CCDC185: variants seen among roughly 807,000 people sequenced by gnomAD.
CCDC185 encodes the protein coiled-coil domain-containing protein 185.
For synonymous variants in CCDC185, 381 were observed against 348.1 expected, an observed-to-expected ratio of 1.09 and a Z score of -1.05; for missense variants, 982 against 825.3, an observed-to-expected ratio of 1.19 and a Z score of -2.33.
chr1:223,394,025 T>A lies in CCDC185; in HGVS notation c.550T>A (p.Ser184Thr). ...ACTCGGCAGACATCTAGGTCGCTGG[T>A]CCCCTTCCTCAGTTCCCTCGGAGCG... ...VPLGRHLGRW[S>T]PSSVPSERSS... The change falls in exon 1 of 1, where the codon TCC becomes ACC. Residue 184 changes from serine to threonine, a missense_variant. Transcript: ENST00000366875. The A allele has an allele frequency of 6.2e-7, 1 of 1,614,140 alleles. No homozygotes were observed. The highest frequency in any genetic ancestry group is 8.5e-7 in the Non-Finnish European group (1 of 1,180,026).
chr1:223,394,926 A>G lies in CCDC185; in HGVS notation c.1451A>G (p.Gln484Arg), dbSNP rs768994335. 1.2e-5 allele frequency: 20 copies of G among 1,614,072 alleles called. No homozygotes were observed. The highest frequency in any genetic ancestry group is 1.7e-5 in the Non-Finnish European group (20 of 1,180,032). Residue 484 changes from glutamine to arginine, a missense_variant, in exon 1 of 1, where the codon CAG becomes CGG. By Grantham distance (43) the Gln-to-Arg change is conservative. Coordinates refer to ENST00000366875, the MANE Select transcript of CCDC185 (RefSeq NM_152610.3). ...GAGAAGGCCCAGAAGGAGGAAGAGC[A>G]GTTGCAGCAGGCCAGGTGGCGCGCA... ...LREKAQKEEE[Q>R]LQQARWRAGE...
chr1:223,395,348 G>A lies in CCDC185; in HGVS notation c.*1G>A. Reference sequence around the variant, plus strand: ...CTGTCAGCAGAACAGGGGTTACTGAGAACCAAGGACGCCTGGCTTACAGTG... The same window carrying A: ...CTGTCAGCAGAACAGGGGTTACTGAAAACCAAGGACGCCTGGCTTACAGTG... On this transcript the variant is annotated 3_prime_UTR_variant, in exon 1 of 1. Transcript: ENST00000366875. 2.7e-6 allele frequency: 4 copies of A among 1,505,888 alleles called. No individual in the cohort carries two copies. The highest frequency in any genetic ancestry group is 3.5e-6 in the Non-Finnish European group (4 of 1,129,572). 93.3% of individuals were successfully genotyped at this position (1,505,888 alleles called of 1,614,324 possible).
In CCDC185 at chr1:223,394,710, C is replaced by A. The variant is rs1375285107; in HGVS notation, c.1235C>A (p.Ala412Asp). Residue 412 changes from alanine to aspartate, a missense_variant, in exon 1 of 1, where the codon GCC becomes GAC. Physicochemically the swap from Ala to Asp is moderately radical, Grantham distance 126. Coordinates refer to ENST00000366875, the MANE Select transcript of CCDC185 (RefSeq NM_152610.3). ...VEACRKRHLH[A>D]VEGQKKVQDT... The stretch of plus-strand genomic sequence containing the variant: ...GCCTGTCGCAAGAGGCACCTACATG[C>A]CGTGGAGGGCCAGAAGAAGGTCCAG... The A allele has an allele frequency of 1.2e-6, 2 of 1,610,884 alleles. No individual in the cohort carries two copies. The highest frequency in any genetic ancestry group is 2.2e-5 in the East Asian group (1 of 44,808).
At position 223,394,366 on chromosome 1, in the gene CCDC185, C is replaced by A. The variant is rs1443600661; in HGVS notation, c.891C>A (p.Thr297=). Residue 297 remains threonine, a synonymous_variant, in exon 1 of 1, where the codon ACC becomes ACA. Coordinates refer to ENST00000366875, the MANE Select transcript of CCDC185 (RefSeq NM_152610.3). The stretch of plus-strand genomic sequence containing the variant: ...GCTCGGATCAGAAGGTCCAGATGAC[C>A]CTGGAGCGGGAGCGCCGGCTGCTGC... ...LKRSDQKVQM[T]LERERRLLLR... 2 of 1,581,388 alleles carry A rather than the reference C, an allele frequency of 1.3e-6. No homozygotes were observed. Among genetic ancestry groups the A allele is most frequent in the African/African-American group, 1.3e-5 (1 of 74,246 alleles).
rs1558299360 is a variant in CCDC185 at position 223,395,009 on chromosome 1, G to A, written c.1534G>A (p.Glu512Lys). The A allele has an allele frequency of 6.8e-6, 11 of 1,613,968 alleles. No homozygotes were observed. Among genetic ancestry groups the A allele is most frequent in the South Asian group, 6.6e-5 (6 of 91,072 alleles). The change falls in exon 1 of 1, where the codon GAG becomes AAG. Residue 512 changes from glutamate (E) to lysine (K), a missense_variant. Transcript: ENST00000366875. ...RKRILVELAD[E>K]KIRQARSHVH... Reference sequence around the variant, plus strand: ...AAGAATTCTGGTGGAGCTGGCGGATGAGAAGATCCGACAGGCCAGGAGTCA... The same window carrying A: ...AAGAATTCTGGTGGAGCTGGCGGATAAGAAGATCCGACAGGCCAGGAGTCA...
rs771980438 is a variant in CCDC185 at position 223,393,564 on chromosome 1, G to A, written c.89G>A (p.Arg30Gln). 6.5e-7 allele frequency: 1 copy of A among 1,549,680 alleles called. No individual in the cohort carries two copies. The highest frequency in any genetic ancestry group is 8.7e-7 in the Non-Finnish European group (1 of 1,150,624). The change falls in exon 1 of 1, where the codon CGG becomes CAG. Residue 30 changes from arginine to glutamine, a missense_variant. Coordinates refer to ENST00000366875, the MANE Select transcript of CCDC185 (RefSeq NM_152610.3). This position sits in a 1 kb window ranked among gnomAD's most constrained non-coding sequence, Gnocchi z 4.8. ...RPGGERESTQ[R>Q]LGGQRSGADS... ...GGCGGAGAACGAGAGTCCACGCAGC[G>A]GCTGGGCGGGCAGAGGTCCGGAGCC...
At position 223,394,187 on chromosome 1, in the gene CCDC185, C is replaced by T. The variant is rs1189620327; in HGVS notation, c.712C>T (p.Pro238Ser). ...GGCCTCCAGCAAAGAGATGCGGAGC[C>T]CGCACACCCAGGTCCTGAAGAGCAA... Reference protein sequence around the residue: ...PLASSKEMRSPHTQVLKSKLE... With the variant: ...PLASSKEMRSSHTQVLKSKLE... Residue 238 changes from proline to serine, a missense_variant, in exon 1 of 1, where the codon CCG (proline) becomes TCG (serine). Coordinates refer to ENST00000366875, the MANE Select transcript of CCDC185 (RefSeq NM_152610.3). The T allele has an allele frequency of 6.2e-7, 1 of 1,614,046 alleles. No homozygotes were observed. The highest frequency in any genetic ancestry group is 8.5e-7 in the Non-Finnish European group (1 of 1,180,038).
Position 223,394,019 on chromosome 1 carries a change from C to T in CCDC185, c.544C>T (p.Arg182Cys), listed in dbSNP as rs375613131. 8.1e-6 allele frequency: 13 copies of T among 1,614,046 alleles called. No individual in the cohort carries two copies. Among genetic ancestry groups the T allele is most frequent in the African/African-American group, 1.3e-5 (1 of 74,954 alleles). The change falls in exon 1 of 1, where the codon CGC becomes TGC. Residue 182 changes from arginine (R) to cysteine (C), a missense_variant. Arg to Cys is a radical substitution (Grantham distance 180). Coordinates refer to ENST00000366875, the MANE Select transcript of CCDC185 (RefSeq NM_152610.3). Reference protein sequence around the residue: ...WAVPLGRHLGRWSPSSVPSER... With the variant: ...WAVPLGRHLGCWSPSSVPSER... Reference sequence around the variant, plus strand: ...AGTGCCACTCGGCAGACATCTAGGTCGCTGGTCCCCTTCCTCAGTTCCCTC... The same window carrying T: ...AGTGCCACTCGGCAGACATCTAGGTTGCTGGTCCCCTTCCTCAGTTCCCTC...
rs1669606056 is a variant in CCDC185 at position 223,393,816 on chromosome 1, G to A, written c.341G>A (p.Gly114Glu). ...RRLEDAWGET[G>E]TKPRPAWQPQ... ...CTGGAAGATGCCTGGGGAGAGACAG[G>A]AACCAAGCCCCGCCCGGCTTGGCAG... The change falls in exon 1 of 1, where the codon GGA becomes GAA. Residue 114 changes from glycine (G) to glutamate (E), a missense_variant. Gly to Glu is a moderately conservative substitution (Grantham distance 98). Coordinates refer to ENST00000366875, the MANE Select transcript of CCDC185 (RefSeq NM_152610.3). The surrounding 1 kb of genome is among the most constrained non-coding windows in gnomAD (Gnocchi z 4.8). The A allele has an allele frequency of 1.3e-6, 2 of 1,589,418 alleles. No homozygotes were observed. The highest frequency in any genetic ancestry group is 1.8e-4 in the Middle Eastern group (1 of 5,464).
In CCDC185 at chr1:223,394,335, T is replaced by C; in HGVS notation, c.860T>C (p.Leu287Pro). ...QQQAAKAWEE[L>P]KRSDQKVQMT... ...CAGGCGGCTAAGGCCTGGGAGGAGC[T>C]GAAGCGCTCGGATCAGAAGGTCCAG... Residue 287 changes from leucine (L) to proline (P), a missense_variant, in exon 1 of 1, where the codon CTG (leucine) becomes CCG (proline). By Grantham distance (98) the Leu-to-Pro change is moderately conservative. Transcript: ENST00000366875. 1 of 1,600,382 alleles carries C rather than the reference T, an allele frequency of 6.2e-7. No individual in the cohort carries two copies. The highest frequency in any genetic ancestry group is 8.5e-7 in the Non-Finnish European group (1 of 1,173,754).
Position 223,394,392 on chromosome 1 carries a change from T to G in CCDC185, c.917T>G (p.Leu306Arg). Residue 306 changes from leucine to arginine, a missense_variant, in exon 1 of 1, where the codon CTG (leucine) becomes CGG (arginine). Transcript: ENST00000366875. ...CTGGAGCGGGAGCGCCGGCTGCTGC[T>G]GCGGCAGAGCCAGGAGCAGTGGCAG... The part of the protein sequence containing the change: ...MTLERERRLL[L>R]RQSQEQWQEK... 1 of 1,570,436 alleles carries G rather than the reference T, an allele frequency of 6.4e-7. No individual in the cohort carries two copies.
chr1:223,394,946 CG>C, the CCDC185 span: 2 of 1,614,088 alleles, frequency 1.2e-6, no homozygotes, highest in Non-Finnish European at 1.7e-6. Context: ...GGCCAGGTGG[CG>C]CGCAGGGGAG....
rs1046426196 is a variant in CCDC185 at position 223,393,829 on chromosome 1, C to T, written c.354C>T (p.Arg118=). The change falls in exon 1 of 1, where the codon CGC becomes CGT. Residue 118 remains arginine (R), a synonymous_variant. Transcript: ENST00000366875. This position sits in a 1 kb window ranked among gnomAD's most constrained non-coding sequence, Gnocchi z 4.8. ...GGGGAGAGACAGGAACCAAGCCCCG[C>T]CCGGCTTGGCAGCCGCAGACCCAGC... is the stretch of plus-strand genomic sequence containing the variant. ...DAWGETGTKP[R]PAWQPQTQLP... 2 of 1,595,082 alleles carry T rather than the reference C, an allele frequency of 1.3e-6. No homozygotes were observed. Among genetic ancestry groups the T allele is most frequent in the Admixed American group, 3.5e-5 (2 of 57,498 alleles).
rs200353990 is a variant in CCDC185, at chr1:223,394,286, C to G, written c.811C>G (p.Gln271Glu). Residue 271 changes from glutamine (Q) to glutamate (E), a missense_variant, in exon 1 of 1, where the codon CAG becomes GAG. Physicochemically the swap from Gln to Glu is conservative, Grantham distance 29. Coordinates refer to ENST00000366875, the MANE Select transcript of CCDC185 (RefSeq NM_152610.3). Reference sequence around the variant, plus strand: ...GGTGCTGACCCGTCTCAAGAAGGCCCAGAGGATACGGGAGCTGCAGCAGCA... The same window carrying G: ...GGTGCTGACCCGTCTCAAGAAGGCCGAGAGGATACGGGAGCTGCAGCAGCA... The part of the protein sequence containing the change: ...ALVLTRLKKA[Q>E]RIRELQQQAA... The G allele has an allele frequency of 1.2e-6, 2 of 1,613,524 alleles. No individual in the cohort carries two copies. The highest frequency in any genetic ancestry group is 2.7e-5 in the African/African-American group (2 of 75,032).
In CCDC185 at chr1:223,394,453, G is replaced by T. The variant is rs369291712; in HGVS notation, c.978G>T (p.Glu326Asp). Residue 326 changes from glutamate (E) to aspartate (D), a missense_variant, in exon 1 of 1, where the codon GAG (glutamate) becomes GAT (aspartate). By Grantham distance (45) the Glu-to-Asp change is conservative (BLOSUM62 2). Transcript: ENST00000366875. ...AGCGCAAGACCCTCCAGAGCCCTGA[G>T]CAGCGCGGCCTGCGGCGGGACAGCC... is the stretch of plus-strand genomic sequence containing the variant. ...KEQRKTLQSP[E>D]QRGLRRDSQR... 1 of 1,572,588 alleles carries T rather than the reference G, an allele frequency of 6.4e-7. No homozygotes were observed. The highest frequency in any genetic ancestry group is 1.3e-5 in the African/African-American group (1 of 74,122).
At chr1:223,393,943 CCT>C in the CCDC185 span, 2 of 1,613,540 alleles carry the variant, frequency 1.2e-6, no homozygotes, top group South Asian at 1.1e-5. This position sits in a 1 kb window ranked among gnomAD's most constrained non-coding sequence, Gnocchi z 4.8. Flanking sequence ...CTGGCACTCC[CCT>C]GAGTGGCACA....
In CCDC185 at chr1:223,393,760, T is replaced by C. The variant is rs539808098; in HGVS notation, c.285T>C (p.Arg95=). Residue 95 remains arginine, a synonymous_variant, in exon 1 of 1, where the codon CGT becomes CGC. Coordinates refer to ENST00000366875, the MANE Select transcript of CCDC185 (RefSeq NM_152610.3). This position sits in a 1 kb window ranked among gnomAD's most constrained non-coding sequence, Gnocchi z 4.8. ...ATGTGGCCCGCAGGCCCCTGGAACG[T>C]TCCAGGAAGCACCGGCCCCGCAGCA... ...LSDVARRPLE[R]SRKHRPRSRR... The C allele has an allele frequency of 4.7e-5, 73 of 1,565,338 alleles. No individual in the cohort carries two copies. The African/African-American group carries it at 6.8e-4, about 15-fold the overall frequency.
chr1:223,394,147 G>A lies in CCDC185; in HGVS notation c.672G>A (p.Arg224=), dbSNP rs150761495. The A allele has an allele frequency of 8.3e-5, 134 of 1,613,972 alleles. 1 individual carries two copies. Among genetic ancestry groups the A allele is most frequent in the African/African-American group, 1.3e-5 (1 of 74,938 alleles). Residue 224 remains arginine (R), a synonymous_variant, in exon 1 of 1, where the codon CGG becomes CGA. Coordinates refer to ENST00000366875, the MANE Select transcript of CCDC185 (RefSeq NM_152610.3). The stretch of plus-strand genomic sequence containing the variant: ...ACCAGGTTGAGTCATTAGCCAGCCG[G>A]GACTCCCAGCCCTTGGCCTCCAGCA... The part of the protein sequence containing the change: ...SSDQVESLAS[R]DSQPLASSKE...
Position 223,394,145 on chromosome 1 carries a change from C to A in CCDC185, c.670C>A (p.Arg224=), listed in dbSNP as rs533107933. 6.2e-7 allele frequency: 1 copy of A among 1,613,974 alleles called. No individual in the cohort carries two copies. Among genetic ancestry groups the A allele is most frequent in the Non-Finnish European group, 8.5e-7 (1 of 1,180,042 alleles). ...SSDQVESLAS[R]DSQPLASSKE... is the part of the protein sequence containing the mutation. ...CGACCAGGTTGAGTCATTAGCCAGC[C>A]GGGACTCCCAGCCCTTGGCCTCCAG... The change falls in exon 1 of 1, where the codon CGG becomes AGG. Residue 224 remains arginine, a synonymous_variant. Coordinates refer to ENST00000366875, the MANE Select transcript of CCDC185 (RefSeq NM_152610.3).
Sources: gnomAD v4.1 joint callset for allele counts on GRCh38, gnomAD v4.1.1 for gene constraint, Gnocchi (gnomAD v3.1) non-coding constraint, MANE v1.5 for transcripts, NCBI Gene and HGNC (gene_info 2026-07-23, HGNC 2026-07-21) for gene names.